Variants in HDAC9 observed in about 807,000 individuals in gnomAD.
The protein encoded by HDAC9 is MEF-2 interacting transcription repressor (MITR) protein.
A neutral mutation model predicts 139.4 loss-of-function variants in HDAC9; 41 were observed. That is an observed-to-expected ratio of 0.29 (90% CI 0.23 to 0.38). HDAC9 has a LOEUF of 0.38. HDAC9 is among the 10% of genes least tolerant of loss of function. HDAC9 has a pLI of 1.00. For synonymous variants in HDAC9, 517 were observed against 476.2 expected (o/e 1.09, Z -1.12); for missense variants, 1,147 against 1,297.0 (o/e 0.88, Z 1.78).
chr7:18,709,357 C>G lies in HDAC9; in HGVS notation c.1732-18223C>G, dbSNP rs567679232. ...GGATGGCTTCTAGCTTCATCCATGT[C>G]CCTGAAAAGGACATGATCTCATTCC... is the stretch of plus-strand genomic sequence containing the variant. On this transcript the variant is annotated intron_variant, in intron 12 of 25. Coordinates refer to ENST00000686413, the MANE Select transcript of HDAC9 (RefSeq NM_178425.4). Among the ~76,000 whole-genome samples the G allele has an allele frequency of 2.0e-5, 3 of 152,204 alleles. No homozygotes were observed. The East Asian group carries it at 5.8e-4, about 29-fold the overall frequency.
At chr7:18,925,275 A>G (rs1325079474) in intron 22 of HDAC9, among the ~76,000 whole-genome samples, 1 of 152,128 alleles carries the variant, frequency 6.6e-6, no homozygotes, top group Non-Finnish European at 1.5e-5. Flanking sequence ...TCTTATCCCA[A>G]CTTTGTCATT....
intron 16 of HDAC9, among the ~76,000 whole-genome samples, chr7:18,771,802 G>A (rs1790320174): frequency 6.6e-6 from 1 of 151,990 alleles, no homozygotes; most frequent in African/African-American, 2.4e-5. Flanking sequence ...CACATCTATG[G>A]ACATATAGTT....
intron 2 of HDAC9, among the ~76,000 whole-genome samples, chr7:18,512,801 C>T (rs1300585089): frequency 6.6e-6 from 1 of 152,156 alleles, no homozygotes; most frequent in Non-Finnish European, 1.5e-5. Flanking sequence ...ACAAGGCATA[C>T]TGATTCCAGA....
At chr7:18,629,544 A>C (rs1359000374) in intron 7 of HDAC9, 63 bp downstream of exon 7, 11 of 1,450,816 alleles carry the variant, frequency 7.6e-6, no homozygotes, top group Non-Finnish European at 1.0e-5. Context: ...AATAGTTTAG[A>C]ATAAATATAC....
chr7:18,153,223 C>G (rs988720767), intron 1 of HDAC9, among the ~76,000 whole-genome samples: 4 of 152,074 alleles, frequency 2.6e-5, no homozygotes, highest in African/African-American at 4.8e-5. Flanking sequence ...AGAATTGGAC[C>G]AAACGCACAG....
chr7:18,825,658 G>A (rs1177861375), intron 17 of HDAC9, among the ~76,000 whole-genome samples: 7 of 150,944 alleles, frequency 4.6e-5, no homozygotes, highest in South Asian at 2.1e-4. Flanking sequence ...GAAGAAAAAC[G>A]TGGGAGCTGG....
intron 1 of HDAC9, among the ~76,000 whole-genome samples, chr7:18,124,439 C>A (rs561191919): frequency 2.6e-5 from 4 of 152,134 alleles, no homozygotes; most frequent in Non-Finnish European, 5.9e-5. Flanking sequence ...TTTATTCATT[C>A]AACAAATGTT....
intron 1 of HDAC9, among the ~76,000 whole-genome samples, chr7:18,349,040 C>T (rs565773338): frequency 6.6e-6 from 1 of 152,136 alleles, no homozygotes; most frequent in South Asian, 2.1e-4. Context: ...AAGCTATTCC[C>T]ATAACTTTAA....
chr7:18,994,572 G>T (rs1386897722), intron 25 of HDAC9, among the ~76,000 whole-genome samples: 1 of 151,746 alleles, frequency 6.6e-6, no homozygotes, highest in South Asian at 2.1e-4. Context: ...TTCTTTTTTG[G>T]TAACAATAAA....
intron 2 of HDAC9, among the ~76,000 whole-genome samples, chr7:18,282,054 G>T (rs1797141245): frequency 6.6e-6 from 1 of 152,032 alleles, no homozygotes; most frequent in Non-Finnish European, 1.5e-5. Context: ...TTAGAAAAAG[G>T]GCCTGAATAA....
chr7:18,117,547 C>T (rs1042822052), intron 1 of HDAC9, among the ~76,000 whole-genome samples: 10 of 150,956 alleles, frequency 6.6e-5, no homozygotes, highest in Admixed American at 2.6e-4. Context: ...CTGAGATCCC[C>T]GCAGGGAAAA....
At chr7:18,927,286 A>C (rs550029456) in intron 22 of HDAC9, among the ~76,000 whole-genome samples, 50 of 152,274 alleles carry the variant, frequency 3.3e-4, no homozygotes, top group African/African-American at 1.2e-3. Flanking sequence ...CAGCACCATG[A>C]GTCTTAAAAA....
intron 17 of HDAC9, among the ~76,000 whole-genome samples, chr7:18,812,208 C>T (rs1329444363): frequency 4.0e-5 from 6 of 151,782 alleles, no homozygotes; most frequent in African/African-American, 7.3e-5. Context: ...CAACAGTATA[C>T]GTATAAAATA....
At chr7:18,740,973 A>G (rs533895730) in intron 13 of HDAC9, among the ~76,000 whole-genome samples, 17 of 152,270 alleles carry the variant, frequency 1.1e-4, no homozygotes, top group African/African-American at 4.1e-4. Flanking sequence ...CTTCAATTCT[A>G]TGAGGGCTGA....
chr7:18,465,997 A>G (rs960809322), intron 1 of HDAC9, among the ~76,000 whole-genome samples: 11 of 152,202 alleles, frequency 7.2e-5, no homozygotes, highest in African/African-American at 2.7e-4. Context: ...ATCTCACCAG[A>G]CTAAAATCAA....
At chr7:18,456,778 G>C (rs539959198) in intron 1 of HDAC9, among the ~76,000 whole-genome samples, 12 of 152,028 alleles carry the variant, frequency 7.9e-5, no homozygotes, top group Non-Finnish European at 1.5e-4. Flanking sequence ...CAAGTTCCTC[G>C]TTCACAAGAG....
At chr7:18,772,400 C>G (rs1790374064) in intron 16 of HDAC9, among the ~76,000 whole-genome samples, 1 of 152,042 alleles carries the variant, frequency 6.6e-6, no homozygotes, top group African/African-American at 2.4e-5. Flanking sequence ...GATATTGACT[C>G]AGGAACCTCT....
intron 22 of HDAC9, among the ~76,000 whole-genome samples, chr7:18,922,239 A>T (rs1053555182): frequency 5.7e-4 from 86 of 152,090 alleles, no homozygotes; most frequent in Non-Finnish European, 9.0e-4. Flanking sequence ...AATAATAATT[A>T]AAAAACATTA....
At chr7:18,402,390 A>G (rs1787628431) in intron 1 of HDAC9, among the ~76,000 whole-genome samples, 1 of 152,184 alleles carries the variant, frequency 6.6e-6, no homozygotes, top group African/African-American at 2.4e-5. Context: ...TAAGCCAGAA[A>G]AGGAGGAGGT....
Sources: allele counts gnomAD v4.1 joint callset (sites outside exome capture counted in the v4.1 genomes callset), GRCh38; gene constraint gnomAD v4.1.1; transcripts MANE v1.5; gene names NCBI Gene and HGNC (gene_info 2026-07-23, HGNC 2026-07-21).